Variants in PSMA1 observed in about 807,000 individuals in gnomAD.
PSMA1 encodes the protein proteasome subunit alpha type-1.
A neutral mutation model predicts 38.4 loss-of-function variants in PSMA1; 3 were observed. The ratio of observed to expected loss-of-function variants is 0.08; its 90% CI spans 0.04 to 0.20. The LOEUF is 0.20. PSMA1 is among the 10% of genes least tolerant of loss of function. PSMA1 has a pLI of 1.00. For synonymous variants in PSMA1, 101 were observed against 107.1 expected, an observed-to-expected ratio of 0.94 and a Z score of 0.35; for missense variants, 227 against 325.3, an observed-to-expected ratio of 0.70 and a Z score of 2.32.
rs188711316 is a variant in PSMA1, at chr11:14,535,006, A to G, written c.22-15965T>C. 4.0e-3 allele frequency among the ~76,000 whole-genome samples: 615 copies of G among 152,290 alleles called. 7 individuals are homozygous for G. The highest frequency in any genetic ancestry group is 0.013 in the Admixed American group (195 of 15,298). On this transcript the variant is annotated intron_variant, in intron 2 of 10. Transcript: ENST00000418988. ...GGAGAATTGCTTGAACCCAGGAGGCAGAGGTTGCAGTGGGCCGAGATTGCA... is the reference window on the plus strand; with the variant it reads ...GGAGAATTGCTTGAACCCAGGAGGCGGAGGTTGCAGTGGGCCGAGATTGCA...
At chr11:14,587,479 T>A (rs1352350959) in intron 2 of PSMA1, among the ~76,000 whole-genome samples, 1 of 152,228 alleles carries the variant, frequency 6.6e-6, no homozygotes, top group African/African-American at 2.4e-5. Flanking sequence ...CCAATTTTGC[T>A]AATCTGTGAA....
intron 2 of PSMA1, among the ~76,000 whole-genome samples, chr11:14,561,249 C>T (rs567995748): frequency 2.6e-5 from 4 of 152,322 alleles, no homozygotes; most frequent in African/African-American, 9.6e-5. Flanking sequence ...TTTTCCTTCA[C>T]CATGCTGACT....
chr11:14,621,125 G>A (rs1431848389), intron 1 of PSMA1, among the ~76,000 whole-genome samples: 1 of 152,098 alleles, frequency 6.6e-6, no homozygotes, highest in Non-Finnish European at 1.5e-5. Context: ...TATGGAAATA[G>A]TCATTTAGGT....
chr11:14,635,551 C>A (rs1853104197), intron 1 of PSMA1, among the ~76,000 whole-genome samples: 2 of 152,162 alleles, frequency 1.3e-5, no homozygotes, highest in East Asian at 1.9e-4. Flanking sequence ...TAATAAAATT[C>A]TGTAAATGTA....
chr11:14,572,516 T>G (rs527564357), intron 2 of PSMA1, among the ~76,000 whole-genome samples: 4 of 152,176 alleles, frequency 2.6e-5, no homozygotes, highest in African/African-American at 9.7e-5. Context: ...TTTAAAGCAG[T>G]GTGTAGAGGG....
intron 2 of PSMA1, among the ~76,000 whole-genome samples, chr11:14,601,826 A>T (rs1590006247): frequency 6.6e-6 from 1 of 152,332 alleles, no homozygotes; most frequent in Middle Eastern, 3.4e-3. Context: ...CTATGTACAT[A>T]ACAATTTTGC....
At chr11:14,536,295 G>C (rs1851706539) in intron 2 of PSMA1, among the ~76,000 whole-genome samples, 2 of 152,230 alleles carry the variant, frequency 1.3e-5, no homozygotes, top group South Asian at 2.1e-4. Flanking sequence ...GGGAGGCCGA[G>C]GGGGGCGGAT....
At chr11:14,635,045 T>C (rs1008510178) in intron 1 of PSMA1, among the ~76,000 whole-genome samples, 4 of 152,234 alleles carry the variant, frequency 2.6e-5, no homozygotes, top group Non-Finnish European at 4.4e-5. Flanking sequence ...TAAAACCTCA[T>C]GGTTTCCTGG....
intron 2 of PSMA1, among the ~76,000 whole-genome samples, chr11:14,553,237 C>T (rs1260831162): frequency 6.6e-6 from 1 of 151,930 alleles, no homozygotes; most frequent in Non-Finnish European, 1.5e-5. Context: ...TATCCTGTTT[C>T]CCCCAATGGT....
rs1167580055 is a variant in PSMA1 at position 14,517,863 on chromosome 11, T to C, written c.150+17A>G. 6.4e-7 allele frequency: 1 copy of C among 1,574,372 alleles called. No individual in the cohort carries two copies. The highest frequency in any genetic ancestry group is 8.7e-7 in the Non-Finnish European group (1 of 1,155,238). On this transcript the variant is annotated intron_variant, in intron 3 of 9. Transcript: ENST00000396394. ...ATTGTTTTCTACAGAGGAAGACATA[T>C]TTATTACTGTACTTACTTTCAATGC...
intron 2 of PSMA1, among the ~76,000 whole-genome samples, chr11:14,537,026 G>A (rs969094321): frequency 6.6e-6 from 1 of 152,190 alleles, no homozygotes; most frequent in African/African-American, 2.4e-5. Context: ...GAAGGAGTAT[G>A]CTTACAAATA....
At chr11:14,538,072 G>A (rs942227113) in intron 2 of PSMA1, among the ~76,000 whole-genome samples, 4 of 152,056 alleles carry the variant, frequency 2.6e-5, no homozygotes, top group African/African-American at 9.7e-5. Flanking sequence ...AAAAGTAACT[G>A]AGGGGGTATA....
chr11:14,558,578 T>C (rs1851968956), intron 2 of PSMA1, among the ~76,000 whole-genome samples: 1 of 152,212 alleles, frequency 6.6e-6, no homozygotes, highest in Admixed American at 6.5e-5. Context: ...AGCAAGGCTA[T>C]AAATGGGAGA....
At chr11:14,585,727 T>G (rs1852337648) in intron 2 of PSMA1, among the ~76,000 whole-genome samples, 3 of 152,352 alleles carry the variant, frequency 2.0e-5, no homozygotes, top group Middle Eastern at 6.8e-3. Context: ...GTTCTGCTCA[T>G]GCTAGCTCTG....
intron 2 of PSMA1, among the ~76,000 whole-genome samples, chr11:14,597,834 T>A (rs1852520469): frequency 6.6e-6 from 1 of 152,212 alleles, no homozygotes; most frequent in Non-Finnish European, 1.5e-5. Flanking sequence ...CTTTTAATTG[T>A]GATGTTAGGG....
chr11:14,575,116 G>T (rs1036296296), intron 2 of PSMA1, among the ~76,000 whole-genome samples: 2 of 152,158 alleles, frequency 1.3e-5, no homozygotes, highest in Non-Finnish European at 2.9e-5. Context: ...TTGGGAACTG[G>T]AGATGAACTC....
rs540272878 is a variant in PSMA1, at chr11:14,516,543, T to G, written c.254+1099A>C. ...CAAATCACAAATTTACAAGATTAGT[T>G]TTAGCTAACTACCTGCCATCCACAA... On this transcript the variant is annotated intron_variant, in intron 4 of 9. Transcript: ENST00000396394. Among the ~76,000 whole-genome samples, 111 of 152,364 alleles carry G rather than the reference T, an allele frequency of 7.3e-4. 4 individuals carry two copies. The South Asian group carries it at 0.022, about 31-fold the overall frequency.
intron 3 of PSMA1, 42 bp downstream of exon 3, chr11:14,517,838 A>C (rs373284785): frequency 6.5e-7 from 1 of 1,535,334 alleles, no homozygotes; most frequent in South Asian, 1.2e-5. Context: ...TGAAATTTAC[A>C]TTGTTTTCTA....
At chr11:14,613,438 G>C (rs1852733509) in intron 1 of PSMA1, among the ~76,000 whole-genome samples, 1 of 151,894 alleles carries the variant, frequency 6.6e-6, no homozygotes, top group South Asian at 2.1e-4. Context: ...ATTTTTAGTA[G>C]AGACGGGGTT....
Sources: gnomAD v4.1 joint callset for allele counts (sites outside exome capture counted in the v4.1 genomes callset) on GRCh38, gnomAD v4.1.1 for gene constraint, MANE v1.5 for transcripts, NCBI Gene and HGNC (gene_info 2026-07-23, HGNC 2026-07-21) for gene names.